AFG2A: variants seen among roughly 807,000 people sequenced by gnomAD.
AFG2A encodes ATPase family gene 2 protein homolog A.
At chr4:123,073,171 C>CTT in the AFG2A span, among the ~76,000 whole-genome samples, 3 of 148,082 alleles carry the variant, frequency 2.0e-5, no homozygotes, top group Admixed American at 6.8e-5. Context: ...AATTCCTATT[C>CTT]TTTTTTTTTT....
At chr4:122,973,231 C>T in the AFG2A span, among the ~76,000 whole-genome samples, 1 of 152,122 alleles carries the variant, frequency 6.6e-6, no homozygotes, top group African/African-American at 2.4e-5. Flanking sequence ...ATATTTCATT[C>T]TGTGTATATT....
chr4:123,211,023 G>C, the AFG2A span, among the ~76,000 whole-genome samples: 3 of 152,144 alleles, frequency 2.0e-5, no homozygotes, highest in African/African-American at 7.2e-5. Context: ...GATAAATAGA[G>C]GTAGATTAAA....
the AFG2A span, among the ~76,000 whole-genome samples, chr4:123,182,204 A>C: frequency 6.6e-6 from 1 of 152,208 alleles, no homozygotes; most frequent in Non-Finnish European, 1.5e-5. Context: ...ATTCTTTTAA[A>C]CTACATGTTT....
chr4:123,106,506 C>T, the AFG2A span, among the ~76,000 whole-genome samples: 1 of 150,706 alleles, frequency 6.6e-6, no homozygotes, highest in African/African-American at 2.5e-5. Context: ...CCCAAACCAC[C>T]CTAAAAAAAA....
the AFG2A span, among the ~76,000 whole-genome samples, chr4:122,956,043 C>G: frequency 3.3e-5 from 5 of 152,310 alleles, no homozygotes; most frequent in African/African-American, 7.2e-5. Context: ...GCATGCCTTA[C>G]TAGAGACTTT....
At chr4:122,969,530 G>A in the AFG2A span, among the ~76,000 whole-genome samples, 1 of 152,028 alleles carries the variant, frequency 6.6e-6, no homozygotes, top group African/African-American at 2.4e-5. Context: ...TAAAAAAATG[G>A]TCATCAAAAT....
chr4:123,024,410 TGTA>T, the AFG2A span, among the ~76,000 whole-genome samples: 6 of 151,980 alleles, frequency 3.9e-5, no homozygotes, highest in Non-Finnish European at 7.4e-5. Flanking sequence ...CAATTAGAGA[TGTA>T]GTTCTCCAAA....
At chr4:123,277,374 G>T in the AFG2A span, among the ~76,000 whole-genome samples, 4 of 152,054 alleles carry the variant, frequency 2.6e-5, no homozygotes, top group Non-Finnish European at 5.9e-5. Flanking sequence ...AGGAGCTTTT[G>T]GGCTGAGACT....
chr4:123,283,898 C>A, the AFG2A span, among the ~76,000 whole-genome samples: 1 of 152,038 alleles, frequency 6.6e-6, no homozygotes, highest in Non-Finnish European at 1.5e-5. Flanking sequence ...GTTTGCGCAC[C>A]CCTGATGTAA....
chr4:123,173,358 T>TTTTTTTTC, the AFG2A span, among the ~76,000 whole-genome samples: 601 of 121,802 alleles, frequency 4.9e-3, 12 homozygotes, highest in African/African-American at 0.017. Context: ...TTTTTTTTTT[T>TTTTTTTTC]TTTTTTTTTT....
chr4:123,220,613 C>CAAAA, the AFG2A span, among the ~76,000 whole-genome samples: 155 of 41,724 alleles, frequency 3.7e-3, 3 homozygotes, highest in African/African-American at 0.011. Flanking sequence ...GACTCCAACT[C>CAAAA]AAAAAAAAAA....
At chr4:123,187,511 T>G in the AFG2A span, among the ~76,000 whole-genome samples, 1 of 152,178 alleles carries the variant, frequency 6.6e-6, no homozygotes, top group Admixed American at 6.5e-5. Context: ...ATGGAGACAA[T>G]ATAGTCTTTA....
chr4:123,142,905 C>T, the AFG2A span, among the ~76,000 whole-genome samples: 4 of 152,008 alleles, frequency 2.6e-5, no homozygotes, highest in South Asian at 4.1e-4. Flanking sequence ...GGCCTTGAGA[C>T]GCAATAGCTA....
the AFG2A span, among the ~76,000 whole-genome samples, chr4:122,949,217 G>C: frequency 4.6e-3 from 693 of 152,200 alleles, no homozygotes; most frequent in Non-Finnish European, 8.5e-3. Context: ...TACAAAGAAG[G>C]GTGCATGACA....
the AFG2A span, among the ~76,000 whole-genome samples, chr4:123,169,933 G>C: frequency 7.5e-4 from 114 of 152,274 alleles, no homozygotes; most frequent in African/African-American, 2.6e-3. Context: ...AAAGAAAGGA[G>C]AGATTACTCT....
chr4:123,006,594 G>A, the AFG2A span, among the ~76,000 whole-genome samples: 1 of 152,076 alleles, frequency 6.6e-6, no homozygotes, highest in African/African-American at 2.4e-5. Flanking sequence ...GCACCTACCA[G>A]TTCACAGCCT....
At chr4:123,267,836 T>C in the AFG2A span, among the ~76,000 whole-genome samples, 1 of 152,068 alleles carries the variant, frequency 6.6e-6, no homozygotes, top group Non-Finnish European at 1.5e-5. Flanking sequence ...TAAGTAGTGA[T>C]ACATCTTGAG....
chr4:123,184,623 G>A, the AFG2A span, among the ~76,000 whole-genome samples: 3,223 of 128,918 alleles, frequency 0.025, 65 homozygotes, highest in Non-Finnish European at 0.037. Context: ...TGCAAGCTCC[G>A]CCTCCCGGGT....
chr4:122,989,885 T>A, the AFG2A span, among the ~76,000 whole-genome samples: 1 of 152,106 alleles, frequency 6.6e-6, no homozygotes, highest in Non-Finnish European at 1.5e-5. Context: ...TGAGACGAAA[T>A]CTCTCTTTGT....
Sources: allele counts gnomAD v4.1 joint callset (sites outside exome capture counted in the v4.1 genomes callset), GRCh38; gene constraint gnomAD v4.1.1; transcripts MANE v1.5; gene names NCBI Gene and HGNC (gene_info 2026-07-23, HGNC 2026-07-21).